Variants in NUP98 observed in about 807,000 individuals in gnomAD.
NUP98 encodes the protein nucleoporin 98 and 96 precursor.
In NUP98, 26 loss-of-function variants were observed where a neutral mutation model predicts 191.9. That is an observed-to-expected ratio of 0.14 (90% CI 0.10 to 0.19). NUP98 has a LOEUF of 0.19. NUP98 is among the 10% of genes least tolerant of loss of function. NUP98 has a pLI of 1.00. For synonymous variants in NUP98, 808 were observed against 778.4 expected, an observed-to-expected ratio of 1.04 and a Z score of -0.63; for missense variants, 1,941 against 2,178.8, an observed-to-expected ratio of 0.89 and a Z score of 2.17.
intron 18 of NUP98, among the ~76,000 whole-genome samples, chr11:3,718,937 T>C (rs1022730316): frequency 6.6e-6 from 1 of 151,842 alleles, no homozygotes; most frequent in Non-Finnish European, 1.5e-5. Flanking sequence ...CTGGCCAACA[T>C]GGTGAAACTC....
intron 29 of NUP98, among the ~76,000 whole-genome samples, chr11:3,684,495 C>G (rs956022939): frequency 4.6e-5 from 7 of 152,108 alleles, no homozygotes; most frequent in African/African-American, 1.7e-4. Flanking sequence ...GAAACAAGAT[C>G]TGCTTCTCCA....
intron 1 of NUP98, among the ~76,000 whole-genome samples, chr11:3,796,089 T>C (rs1440277261): frequency 6.6e-6 from 1 of 152,226 alleles, no homozygotes; most frequent in Non-Finnish European, 1.5e-5. Flanking sequence ...GTAACCCAGT[T>C]AACTCGAGTT....
intron 1 of NUP98, among the ~76,000 whole-genome samples, chr11:3,794,496 A>AT (rs922569123): frequency 3.3e-5 from 5 of 150,428 alleles, no homozygotes; most frequent in African/African-American, 4.9e-5. Flanking sequence ...AATTTTTCAT[A>AT]TTTTTTTTTA....
intron 15 of NUP98, among the ~76,000 whole-genome samples, chr11:3,723,829 CTTTT>C (rs34043967): frequency 0.073 from 10,453 of 142,284 alleles, 656 homozygotes; most frequent in South Asian, 0.2. Context: ...CAAAGGGTTT[CTTTT>C]TTTTTTTTTC....
At chr11:3,760,339 A>C in intron 10 of NUP98, 200 bp downstream of exon 10, 2 of 663,626 alleles carry the variant, frequency 3.0e-6, no homozygotes, top group Non-Finnish European at 5.1e-6. Flanking sequence ...AGCCATATCC[A>C]GGACTTTAAA....
chr11:3,790,698 T>C (rs1172902164), intron 1 of NUP98, among the ~76,000 whole-genome samples: 1 of 152,138 alleles, frequency 6.6e-6, no homozygotes, highest in Non-Finnish European at 1.5e-5. Flanking sequence ...CCACTTTCAC[T>C]TAAAAGGGTC....
chr11:3,709,981 T>TA (rs71041378), intron 20 of NUP98, among the ~76,000 whole-genome samples: 58,566 of 113,600 alleles, frequency 0.52, 13,282 homozygotes, highest in East Asian at 0.66. Flanking sequence ...AATAATAATT[T>TA]AAAAAAAAAA....
intron 29 of NUP98, among the ~76,000 whole-genome samples, chr11:3,684,365 G>A (rs945542250): frequency 1.3e-5 from 2 of 152,190 alleles, no homozygotes; most frequent in African/African-American, 2.4e-5. Flanking sequence ...AGATCACGAG[G>A]TCAAGTCATT....
chr11:3,676,649 C>G, intron 31 of NUP98, 29 bp from the exon 32 acceptor site: 1 of 1,535,612 alleles, frequency 6.5e-7, no homozygotes, highest in Non-Finnish European at 9.0e-7. Flanking sequence ...GCCAATTAAT[C>G]CAAGGGGAGT....
intron 28 of NUP98, among the ~76,000 whole-genome samples, chr11:3,689,262 C>G (rs1057245217): frequency 2.6e-5 from 4 of 151,998 alleles, no homozygotes; most frequent in Non-Finnish European, 4.4e-5. Flanking sequence ...TGCAGTGGCT[C>G]GCGCCTGTAA....
rs576413790 is a variant in NUP98, at chr11:3,751,358, CA to C, written c.1267+1957del. Among the ~76,000 whole-genome samples the C allele has an allele frequency of 2.7e-3, 407 of 151,464 alleles. 1 individual carries two copies. Among genetic ancestry groups the C allele is most frequent in the Non-Finnish European group, 4.7e-3 (319 of 67,836 alleles). On this transcript the variant is annotated intron_variant, in intron 11 of 32. Transcript: ENST00000324932. ...GGGTAACAAGAGCAAAACTCCGACT[CA>C]AAAAACAAACAAGAATATAATCCTA...
At chr11:3,788,434 G>A (rs2082215727) in intron 1 of NUP98, among the ~76,000 whole-genome samples, 1 of 151,390 alleles carries the variant, frequency 6.6e-6, no homozygotes, top group African/African-American at 2.4e-5. Context: ...GAAACCCCCT[G>A]TCTCTACTAA....
At position 3,702,241 on chromosome 11, in the gene NUP98, AAC is replaced by A. The variant is rs1180575472; in HGVS notation, c.3512+220_3512+221del. Among the ~76,000 whole-genome samples the A allele has an allele frequency of 2.8e-5, 4 of 144,062 alleles. 1 individual carries two copies. The highest frequency in any genetic ancestry group is 7.8e-5 in the African/African-American group (3 of 38,634). 94.5% of individuals were successfully genotyped at this position (144,062 alleles called of 152,430 possible). A position where few individuals can be genotyped will look rare whatever the true frequency, so the allele number is the denominator to read the frequency against. On this transcript the variant is annotated intron_variant, in intron 23 of 32. Transcript: ENST00000324932. ...AAACAGAGCAAAACTGAGACTCAAA[AAC>A]ACACACACACACACCGGGGAAACAG...
At chr11:3,701,255 ATT>A (rs71041374) in intron 23 of NUP98, among the ~76,000 whole-genome samples, 30,557 of 125,134 alleles carry the variant, frequency 0.24, 3,029 homozygotes, top group Non-Finnish European at 0.27. Flanking sequence ...GCTTGTTCCA[ATT>A]TTTTTTTTTT....
intron 20 of NUP98, among the ~76,000 whole-genome samples, chr11:3,708,382 A>G (rs1232213168): frequency 1.3e-5 from 2 of 152,160 alleles, no homozygotes; most frequent in Non-Finnish European, 1.5e-5. Flanking sequence ...TACCTTGAAC[A>G]CTGTTTCAGA....
intron 28 of NUP98, among the ~76,000 whole-genome samples, chr11:3,687,309 C>T (rs748827577): frequency 1.3e-5 from 2 of 152,138 alleles, no homozygotes; most frequent in Non-Finnish European, 2.9e-5. Flanking sequence ...CTACGAATTG[C>T]AAGTATTTTC....
At chr11:3,734,263 A>G (rs748113986) in intron 13 of NUP98, among the ~76,000 whole-genome samples, 1 of 151,930 alleles carries the variant, frequency 6.6e-6, no homozygotes, top group Non-Finnish European at 1.5e-5. Context: ...CGTGAACTGA[A>G]CTCAGGTGAT....
intron 17 of NUP98, among the ~76,000 whole-genome samples, chr11:3,720,026 GC>G (rs1564840924): frequency 1.3e-5 from 2 of 152,024 alleles, no homozygotes; most frequent in African/African-American, 4.8e-5. Context: ...CTCCCAAAGC[GC>G]TAGAATTACA....
chr11:3,742,344 AACAGAAG>A (rs1204889807), intron 12 of NUP98, among the ~76,000 whole-genome samples: 3 of 152,194 alleles, frequency 2.0e-5, no homozygotes, highest in Non-Finnish European at 4.4e-5. Context: ...TTCTTCAAAG[AACAGAAG>A]ACAGAAGACA....
Sources: gnomAD v4.1 joint callset for allele counts (sites outside exome capture counted in the v4.1 genomes callset) on GRCh38, gnomAD v4.1.1 for gene constraint, MANE v1.5 for transcripts, NCBI Gene and HGNC (gene_info 2026-07-23, HGNC 2026-07-21) for gene names.